TP63: variants seen among roughly 807,000 people sequenced by gnomAD.
TP63 encodes the protein tumor protein 63.
In TP63, 17 loss-of-function variants were observed where a neutral mutation model predicts 82.8. The ratio of observed to expected loss-of-function variants is 0.21; its 90% CI spans 0.14 to 0.31. The LOEUF (loss-of-function observed/expected upper bound fraction) is 0.31, where lower values mean the gene tolerates loss of function less well. Among genes scored for constraint, TP63 ranks in the 10% least tolerant of loss-of-function variants. The pLI is 1.00. For missense variants in TP63, 648 were observed against 895.3 expected (o/e 0.72, Z 3.52); for synonymous variants, 330 against 321.7 (o/e 1.03, Z -0.28).
At chr3:189,748,318 G>A (rs1721528842) in intron 3 of TP63, among the ~76,000 whole-genome samples, 1 of 151,856 alleles carries the variant, frequency 6.6e-6, no homozygotes, top group African/African-American at 2.4e-5. Flanking sequence ...TCTTAGATCT[G>A]ATAAATGAAT....
intron 1 of TP63, among the ~76,000 whole-genome samples, chr3:189,709,508 G>T (rs1718439780): frequency 6.6e-6 from 1 of 151,724 alleles, no homozygotes; most frequent in African/African-American, 2.4e-5. Context: ...TTTTAAATTT[G>T]TCTTATTTAA....
At chr3:189,766,105 T>C (rs1217532175) in intron 3 of TP63, among the ~76,000 whole-genome samples, 1 of 151,976 alleles carries the variant, frequency 6.6e-6, no homozygotes, top group African/African-American at 2.4e-5. Flanking sequence ...GGAGGCTGAG[T>C]GGGGAGGATC....
In TP63 at chr3:189,867,880, C is replaced by A; in HGVS notation, c.930C>A (p.Ser310Arg). Reference protein sequence around the residue: ...TTVLYNFMCNSSCVGGMNRRP... With the variant: ...TTVLYNFMCNRSCVGGMNRRP... ...TCTTGTACAATTTCATGTGTAACAG[C>A]AGTTGTGTTGGAGGGATGAACCGCC... The change falls in exon 7 of 14, where the codon AGC becomes AGA. Residue 310 changes from serine (S) to arginine (R), a missense_variant. Transcript: ENST00000264731. 1 of 1,614,046 alleles carries A rather than the reference C, an allele frequency of 6.2e-7. No individual in the cohort carries two copies. The highest frequency in any genetic ancestry group is 8.5e-7 in the Non-Finnish European group (1 of 1,179,964).
intron 4 of TP63, among the ~76,000 whole-genome samples, chr3:189,848,194 T>C (rs1357581892): frequency 6.8e-6 from 1 of 146,202 alleles, no homozygotes; most frequent in Non-Finnish European, 1.5e-5. Flanking sequence ...TGATCTAACT[T>C]TTCCTTTTCC....
At chr3:189,713,196 TC>T (rs1485805660) in intron 1 of TP63, among the ~76,000 whole-genome samples, 2 of 152,188 alleles carry the variant, frequency 1.3e-5, no homozygotes, top group Non-Finnish European at 1.5e-5. Flanking sequence ...TTTATAGCAT[TC>T]TGTTTATTCT....
chr3:189,767,895 T>C (rs1386975141), intron 3 of TP63, among the ~76,000 whole-genome samples: 8 of 152,304 alleles, frequency 5.3e-5, no homozygotes, highest in Admixed American at 1.3e-4. Flanking sequence ...ATCTGACACA[T>C]GTCACTAACC....
rs1031422460 is a variant in TP63 at position 189,719,588 on chromosome 3, C to T, written c.63-18152C>T. Among the ~76,000 whole-genome samples, 4 of 152,174 alleles carry T rather than the reference C, an allele frequency of 2.6e-5. No individual in the cohort carries two copies. In the South Asian group the frequency reaches 8.3e-4, roughly 32 times the overall value. ...AAAAAATCAGATTGAATATTTTCAG[C>T]TTTGCAGGCCATGCGGTCTCTGTCA... On this transcript the variant is annotated intron_variant, in intron 1 of 13. Transcript: ENST00000264731.
chr3:189,824,408 T>C (rs1458520855), intron 4 of TP63, among the ~76,000 whole-genome samples: 1 of 151,828 alleles, frequency 6.6e-6, no homozygotes, highest in African/African-American at 2.4e-5. Flanking sequence ...AATTTTTGTA[T>C]TTTTAGTAGA....
At chr3:189,652,838 T>C (rs1713010997) in intron 1 of TP63, among the ~76,000 whole-genome samples, 1 of 146,866 alleles carries the variant, frequency 6.8e-6, no homozygotes, top group Non-Finnish European at 1.5e-5. Flanking sequence ...GTTTGCCACT[T>C]TGCTGGGCGC....
Position 189,890,843 on chromosome 3 carries a change from G to A in TP63, c.1707G>A (p.Gly569=), listed in dbSNP as rs202009057. ...SSCLDYFTTQ[G]LTTIYQIEHY... ...GTCTGGACTATTTCACGACCCAGGG[G>A]CTGACCACCATCTATCAGATTGAGC... is the stretch of plus-strand genomic sequence containing the variant. Residue 569 remains glycine, a synonymous_variant, in exon 13 of 14, where the codon GGG becomes GGA. Coordinates refer to ENST00000264731, the MANE Select transcript of TP63 (RefSeq NM_003722.5). The A allele has an allele frequency of 2.5e-5, 41 of 1,614,042 alleles. No individual in the cohort carries two copies. The East Asian group carries it at 8.9e-4, about 35-fold the overall frequency.
chr3:189,608,491 G>A, the TP63 span, among the ~76,000 whole-genome samples: 1 of 152,184 alleles, frequency 6.6e-6, no homozygotes, highest in South Asian at 2.1e-4. Flanking sequence ...ATAAGGCAAT[G>A]GTAAGGGCAT....
At chr3:189,683,722 C>T (rs1351460888) in intron 1 of TP63, among the ~76,000 whole-genome samples, 4 of 152,188 alleles carry the variant, frequency 2.6e-5, no homozygotes, top group Admixed American at 6.5e-5. Flanking sequence ...GTCGGAAACT[C>T]GGTCTCCTCT....
At chr3:189,880,446 G>T (rs1719790993) in intron 10 of TP63, 2 of 1,068,118 alleles carry the variant, frequency 1.9e-6, no homozygotes, top group African/African-American at 1.7e-5. Flanking sequence ...GTGTTTGTCT[G>T]TGAGCTTTCT....
chr3:189,683,797 A>C (rs543940611), intron 1 of TP63, among the ~76,000 whole-genome samples: 24 of 152,314 alleles, frequency 1.6e-4, no homozygotes, highest in Non-Finnish European at 2.9e-4. Context: ...CTACTTCAGA[A>C]TTTATAGAAT....
intron 3 of TP63, among the ~76,000 whole-genome samples, chr3:189,755,890 G>T (rs1722151690): frequency 6.6e-6 from 1 of 152,112 alleles, no homozygotes; most frequent in African/African-American, 2.4e-5. Flanking sequence ...TTGCAATAGT[G>T]TCTCTCGATA....
intron 4 of TP63, among the ~76,000 whole-genome samples, chr3:189,817,001 TGG>T (rs35406510): frequency 6.7e-6 from 1 of 148,612 alleles, no homozygotes; most frequent in Non-Finnish European, 1.5e-5. Flanking sequence ...AAGATTCATG[TGG>T]GGGAAAAAAA....
chr3:189,896,195 A>G lies in TP63; in HGVS notation c.*1693A>G. 1 of 219,818 alleles carries G rather than the reference A, an allele frequency of 4.5e-6. No homozygotes were observed. The highest frequency in any genetic ancestry group is 5.8e-5 in the Admixed American group (1 of 17,332). The allele number at this position is 219,818 out of a possible 1,614,324, so 13.6% of individuals were successfully genotyped here. On this transcript the variant is annotated 3_prime_UTR_variant, in exon 14 of 14. Transcript: ENST00000264731. Reference sequence around the variant, plus strand: ...TTCCATTTTAATTTTAAAGTGCAAAAGGGCCAGCGTGGCTCTAAAAGGTAA... The same window carrying G: ...TTCCATTTTAATTTTAAAGTGCAAAGGGGCCAGCGTGGCTCTAAAAGGTAA...
intron 4 of TP63, among the ~76,000 whole-genome samples, chr3:189,811,081 G>C (rs1727511899): frequency 6.6e-6 from 1 of 152,130 alleles, no homozygotes; most frequent in Non-Finnish European, 1.5e-5. Flanking sequence ...ATACACTGTG[G>C]TGATGAGAAA....
At chr3:189,681,697 T>C (rs2108692908) in intron 1 of TP63, among the ~76,000 whole-genome samples, 1 of 152,316 alleles carries the variant, frequency 6.6e-6, no homozygotes, top group Non-Finnish European at 1.5e-5. Context: ...CCTCCTTTTT[T>C]TCTACTCTCT....
Sources: allele counts gnomAD v4.1 joint callset (sites outside exome capture counted in the v4.1 genomes callset), GRCh38; gene constraint gnomAD v4.1.1; transcripts MANE v1.5; gene names NCBI Gene and HGNC (gene_info 2026-07-23, HGNC 2026-07-21).